Variants in TECPR1 observed in about 807,000 individuals in gnomAD.
The protein encoded by TECPR1 is tectonin beta-propeller repeat containing 1, also known as tectonin beta-propeller repeat-containing protein 1.
In TECPR1, 122 loss-of-function variants were observed where a neutral mutation model predicts 162.4. The ratio of observed to expected loss-of-function variants is 0.75; its 90% CI spans 0.65 to 0.87. The LOEUF is 0.87. Among genes scored for constraint, TECPR1 ranks in the 40% least tolerant of loss-of-function variants. The pLI, the probability that TECPR1 is intolerant of heterozygous loss-of-function variation, is 0.00. For missense variants in TECPR1, 1,432 were observed against 1,618.2 expected (o/e 0.88, Z 1.97); for synonymous variants, 642 against 670.6 (o/e 0.96, Z 0.66).
In TECPR1 at chr7:98,217,791, T is replaced by A; in HGVS notation, c.3285A>T (p.Lys1095Asn). The A allele has an allele frequency of 6.4e-7, 1 of 1,550,814 alleles. No homozygotes were observed. Among genetic ancestry groups the A allele is most frequent in the Non-Finnish European group, 8.7e-7 (1 of 1,147,016 alleles). The part of the protein sequence containing the change: ...PLDQVWVIAN[K>N]VQGSHSLSRG... ...GGCTCAGGCTGTGGCTGCCCTGCAC[T>A]TTGTTGGCGATCACCCAGACCTGGA... Residue 1095 changes from lysine to asparagine, a missense_variant, in exon 25 of 26, where the codon AAA (lysine) becomes AAT (asparagine). Transcript: ENST00000447648.
chr7:98,235,861 A>C (rs1798589287), intron 10 of TECPR1, among the ~76,000 whole-genome samples: 1 of 150,202 alleles, frequency 6.7e-6, no homozygotes, highest in Non-Finnish European at 1.5e-5. Flanking sequence ...ACACCATCTG[A>C]GCAGACTAAA....
chr7:98,248,569 T>G (rs1584362544), intron 2 of TECPR1, among the ~76,000 whole-genome samples: 10 of 110,862 alleles, frequency 9.0e-5, no homozygotes, highest in Admixed American at 3.4e-4. Flanking sequence ...AAGCCAGGTG[T>G]GGTGGCTCAC....
rs1276627987 is a variant in TECPR1 at position 98,231,079 on chromosome 7, C to A, written c.2164G>T (p.Val722Leu). ...GCCTGCGGGGACGGGCGGCCCTGCACCTTCCGGCTCTCGCAGCAAGACAGG... is the reference window on the plus strand; with the variant it reads ...GCCTGCGGGGACGGGCGGCCCTGCAACTTCCGGCTCTCGCAGCAAGACAGG... ...LSLSCCESRK[V>L]QGRPSPQAIW... Residue 722 changes from valine (V) to leucine (L), a missense_variant, in exon 15 of 26, where the codon GTG becomes TTG. Coordinates refer to ENST00000447648, the MANE Select transcript of TECPR1 (RefSeq NM_015395.3). 1.2e-6 allele frequency: 2 copies of A among 1,606,816 alleles called. No individual in the cohort carries two copies. The highest frequency in any genetic ancestry group is 1.3e-5 in the African/African-American group (1 of 74,844).
At chr7:98,247,467 G>C (rs999231818) in intron 2 of TECPR1, among the ~76,000 whole-genome samples, 7 of 152,066 alleles carry the variant, frequency 4.6e-5, no homozygotes, top group Non-Finnish European at 1.0e-4. Flanking sequence ...AAGAATCAAT[G>C]AAAGCTTACA....
intron 8 of TECPR1, among the ~76,000 whole-genome samples, chr7:98,239,179 CTCT>C (rs1798682401): frequency 6.6e-6 from 1 of 152,216 alleles, no homozygotes; most frequent in Non-Finnish European, 1.5e-5. Context: ...TCCATCAGGG[CTCT>C]TCTTATACAT....
chr7:98,243,001 T>C (rs1429668752), intron 6 of TECPR1, among the ~76,000 whole-genome samples: 2 of 6,692 alleles, frequency 3.0e-4, no homozygotes, highest in Non-Finnish European at 7.8e-4. Context: ...CACCCACCCA[T>C]CCACCCATCC....
chr7:98,240,167 G>A (rs1304113261), intron 8 of TECPR1, among the ~76,000 whole-genome samples: 1 of 152,042 alleles, frequency 6.6e-6, no homozygotes, highest in African/African-American at 2.4e-5. Context: ...GGTTTTATTG[G>A]ACTTGCCGCT....
intron 24 of TECPR1, 59 bp downstream of exon 24, chr7:98,217,877 G>T: frequency 6.5e-7 from 1 of 1,544,628 alleles, no homozygotes; most frequent in Admixed American, 2.0e-5. Flanking sequence ...ATGGGATGGG[G>T]GAGACCAGAG....
At chr7:98,218,087 C>A (rs902780904) in intron 23 of TECPR1, 45 bp from the exon 24 acceptor site, 1 of 1,478,212 alleles carries the variant, frequency 6.8e-7, no homozygotes, top group Admixed American at 2.0e-5. Context: ...ACCTTCCCGG[C>A]CCCTCCTGCC....
intron 20 of TECPR1, 78 bp downstream of exon 20, chr7:98,223,584 T>A: frequency 6.7e-7 from 1 of 1,502,496 alleles, no homozygotes; most frequent in Non-Finnish European, 9.2e-7. Context: ...TGGCCCGGGG[T>A]GCAGGGAACC....
Position 98,241,051 on chromosome 7 carries a change from G to A in TECPR1, c.832+19C>T. 6.3e-7 allele frequency: 1 copy of A among 1,595,414 alleles called. No homozygotes were observed. Among genetic ancestry groups the A allele is most frequent in the Non-Finnish European group, 8.5e-7 (1 of 1,170,310 alleles). Reference sequence around the variant, plus strand: ...CTCCCCAGTACAGGGTATGTGGGTGGGGGAGCCGGGCTGCCCACCTTTGGG... The same window carrying A: ...CTCCCCAGTACAGGGTATGTGGGTGAGGGAGCCGGGCTGCCCACCTTTGGG... On this transcript the variant is annotated intron_variant, in intron 7 of 25. Transcript: ENST00000447648. This position sits in a 1 kb window ranked among gnomAD's most constrained non-coding sequence, Gnocchi z 5.0.
intron 10 of TECPR1, 55 bp from the exon 11 acceptor site, chr7:98,233,966 C>A: frequency 6.8e-7 from 1 of 1,465,112 alleles, no homozygotes; most frequent in South Asian, 1.4e-5. Flanking sequence ...CAGGCGCTGT[C>A]AGGCAGGCCC....
At chr7:98,235,326 C>A (rs1289269951) in intron 10 of TECPR1, among the ~76,000 whole-genome samples, 1 of 151,232 alleles carries the variant, frequency 6.6e-6, no homozygotes, top group Non-Finnish European at 1.5e-5. Flanking sequence ...GAGATCGAGA[C>A]CATCCTGGCT....
intron 2 of TECPR1, 105 bp from the exon 3 acceptor site, chr7:98,246,270 C>CTT (rs36097167): frequency 0.01 from 5,656 of 561,726 alleles, 3 homozygotes; most frequent in East Asian, 0.018. Context: ...TTCTTTTTCT[C>CTT]TTTTTTTTTT....
chr7:98,240,935 G>A lies in TECPR1; in HGVS notation c.849C>T (p.Ile283=), dbSNP rs770318671. ...RSNPKGSSWS[I]VEPPGSENGV... is the part of the protein sequence containing the mutation. ...CGTTTTCAGATCCAGGAGGCTCCAC[G>A]ATGGACCAGGAACTTCCTACCGGGC... The change falls in exon 8 of 26, where the codon ATC becomes ATT. Residue 283 remains isoleucine, a synonymous_variant. Transcript: ENST00000447648. 16 of 1,606,838 alleles carry A rather than the reference G, an allele frequency of 1.0e-5. No homozygotes were observed. The highest frequency in any genetic ancestry group is 1.7e-5 in the Admixed American group (1 of 59,116).
intron 5 of TECPR1, among the ~76,000 whole-genome samples, 157 bp from the exon 6 acceptor site, chr7:98,243,749 C>T (rs1323152495): frequency 6.6e-6 from 1 of 152,188 alleles, no homozygotes; most frequent in African/African-American, 2.4e-5. Flanking sequence ...CTGTGGGGGC[C>T]CCTGCCCGGC....
chr7:98,222,910 C>T, intron 21 of TECPR1, 80 bp downstream of exon 21: 7 of 1,556,712 alleles, frequency 4.5e-6, no homozygotes, highest in South Asian at 3.5e-5. Context: ...AGGGGCTTGT[C>T]CTGAGCAGGG....
intron 8 of TECPR1, among the ~76,000 whole-genome samples, chr7:98,240,404 G>A (rs1434165851): frequency 2.6e-5 from 4 of 152,072 alleles, no homozygotes; most frequent in Non-Finnish European, 5.9e-5. Flanking sequence ...GTGCTCAGCT[G>A]GTGCCGGATT....
chr7:98,234,022 G>A, intron 10 of TECPR1, 111 bp from the exon 11 acceptor site: 1 of 1,355,972 alleles, frequency 7.4e-7, no homozygotes, highest in South Asian at 1.5e-5. Context: ...ACTTGGGCAA[G>A]TCAGAACCTC....
Sources: gnomAD v4.1 joint callset for allele counts (sites outside exome capture counted in the v4.1 genomes callset) on GRCh38, gnomAD v4.1.1 for gene constraint, Gnocchi (gnomAD v3.1) non-coding constraint, MANE v1.5 for transcripts, NCBI Gene and HGNC (gene_info 2026-07-23, HGNC 2026-07-21) for gene names.